The following POMGNT2 variants were observed in gnomAD, a reference collection of about 807,000 sequenced individuals.
POMGNT2 encodes the protein protein O-linked mannose N-acetylglucosaminyltransferase 2 (beta 1,4-).
Under a neutral mutation model 37.8 loss-of-function variants are expected in POMGNT2, and 32 were observed. The observed-to-expected ratio is 0.85, with a 90% CI of 0.64 to 1.14. The LOEUF (loss-of-function observed/expected upper bound fraction) is 1.14. Ranked by LOEUF, POMGNT2 falls within the 50% of genes most tolerant of loss-of-function variation. The pLI is 0.00. For synonymous variants in POMGNT2, 340 were observed against 336.8 expected, an observed-to-expected ratio of 1.01 and a Z score of -0.10; for missense variants, 705 against 780.6, an observed-to-expected ratio of 0.90 and a Z score of 1.15.
chr3:43,100,600 C>T (rs1403524736), intron 1 of POMGNT2, among the ~76,000 whole-genome samples: 1 of 152,154 alleles, frequency 6.6e-6, no homozygotes, highest in African/African-American at 2.4e-5. Flanking sequence ...TCTCTCACAC[C>T]ACAAAAATTA....
rs748310184 is a variant in POMGNT2, at chr3:43,080,423, T to C, written c.1009A>G (p.Asn337Asp). The change falls in exon 2 of 2, where the codon AAT becomes GAT. Residue 337 changes from asparagine to aspartate, a missense_variant. Transcript: ENST00000344697. ...TGCATGCTGACCAGCATGGAGGCATTGCTGACCAGCCGCACGACATCAGCA... is the reference window on the plus strand; with the variant it reads ...TGCATGCTGACCAGCATGGAGGCATCGCTGACCAGCCGCACGACATCAGCA... ...TFADVVRLVS[N>D]ASMLVSMHGA... The C allele has an allele frequency of 1.4e-5, 23 of 1,614,034 alleles. No homozygotes were observed. The highest frequency in any genetic ancestry group is 1.9e-5 in the Non-Finnish European group (23 of 1,180,034).
chr3:43,103,299 A>G (rs2090032868), intron 1 of POMGNT2, among the ~76,000 whole-genome samples: 1 of 152,114 alleles, frequency 6.6e-6, no homozygotes, highest in African/African-American at 2.4e-5. Context: ...TCCACAGCTC[A>G]AGGGCTGCTC....
In POMGNT2 at chr3:43,080,282, G is replaced by C. The variant is rs1559414056; in HGVS notation, c.1150C>G (p.Pro384Ala). 6.2e-7 allele frequency: 1 copy of C among 1,614,120 alleles called. No homozygotes were observed. Among genetic ancestry groups the C allele is most frequent in the Non-Finnish European group, 8.5e-7 (1 of 1,179,956 alleles). Residue 384 changes from proline to alanine, a missense_variant, in exon 2 of 2, where the codon CCT becomes GCT. Transcript: ENST00000344697. ...GCTACATACTGGAGGTCCATGCCAGGCAGCATGGCCAGCGTCTTATAGGGA... is the reference window on the plus strand; with the variant it reads ...GCTACATACTGGAGGTCCATGCCAGCCAGCATGGCCAGCGTCTTATAGGGA... ...YTPYKTLAML[P>A]GMDLQYVAWR...
intron 1 of POMGNT2, among the ~76,000 whole-genome samples, chr3:43,091,760 G>A (rs2089945171): frequency 6.6e-6 from 1 of 152,230 alleles, no homozygotes; most frequent in Admixed American, 6.5e-5. Flanking sequence ...CCCTTTATAT[G>A]ATGCACTGAG....
chr3:43,084,688 G>A (rs1266729037), intron 1 of POMGNT2, among the ~76,000 whole-genome samples: 4 of 151,448 alleles, frequency 2.6e-5, no homozygotes, highest in African/African-American at 9.7e-5. Flanking sequence ...ACAGATCTCT[G>A]AAGCTCTGTT....
Position 43,081,333 on chromosome 3 carries a change from C to T in POMGNT2, c.99G>A (p.Glu33=), listed in dbSNP as rs2089854009. ...VRLREHAATL[E]EELALSRQAT... ...CCTGTCGGCTGAGGGCCAGCTCCTCCTCCAGTGTGGCTGCATGCTCACGCA... is the reference window on the plus strand; with the variant it reads ...CCTGTCGGCTGAGGGCCAGCTCCTCTTCCAGTGTGGCTGCATGCTCACGCA... Residue 33 remains glutamate (E), a synonymous_variant, in exon 2 of 2, where the codon GAG becomes GAA. Coordinates refer to ENST00000344697, the MANE Select transcript of POMGNT2 (RefSeq NM_032806.6). The T allele has an allele frequency of 6.2e-7, 1 of 1,611,162 alleles. No homozygotes were observed. Among genetic ancestry groups the T allele is most frequent in the Admixed American group, 1.7e-5 (1 of 60,000 alleles).
chr3:43,083,527 C>G (rs77206337), intron 1 of POMGNT2, among the ~76,000 whole-genome samples: 1,593 of 152,278 alleles, frequency 0.01, 24 homozygotes, highest in African/African-American at 0.037. Context: ...TTTGATTTAT[C>G]AGTAGTGTTT....
intron 1 of POMGNT2, among the ~76,000 whole-genome samples, chr3:43,103,283 C>G (rs2090032714): frequency 6.6e-6 from 1 of 152,136 alleles, no homozygotes; most frequent in Non-Finnish European, 1.5e-5. Context: ...TCCTTCTCCT[C>G]CCTTATCCAC....
chr3:43,082,278 G>A (rs1178868030), intron 1 of POMGNT2, among the ~76,000 whole-genome samples: 1 of 152,192 alleles, frequency 6.6e-6, no homozygotes, highest in African/African-American at 2.4e-5. Flanking sequence ...TGCACACCAA[G>A]ACCCCAGTAT....
chr3:43,081,588 C>G, intron 1 of POMGNT2, 52 bp from the exon 2 acceptor site: 1 of 679,266 alleles, frequency 1.5e-6, no homozygotes, highest in East Asian at 2.7e-5. Context: ...TTCCTGGCAT[C>G]ATTACAAGCT....
chr3:43,100,477 G>A (rs1488325028), intron 1 of POMGNT2, among the ~76,000 whole-genome samples: 1 of 152,032 alleles, frequency 6.6e-6, no homozygotes, highest in Non-Finnish European at 1.5e-5. Flanking sequence ...CCCTGAGGAG[G>A]GCAACTGTAT....
intron 1 of POMGNT2, among the ~76,000 whole-genome samples, chr3:43,090,090 A>G (rs2089930060): frequency 6.6e-6 from 1 of 152,112 alleles, no homozygotes; most frequent in Non-Finnish European, 1.5e-5. Flanking sequence ...CAGCTGAGAA[A>G]TCTAATTAAA....
At chr3:43,090,516 T>C (rs1486836818) in intron 1 of POMGNT2, 2 of 152,100 alleles carry the variant, frequency 1.3e-5, no homozygotes, top group African/African-American at 4.8e-5. Context: ...TGGACAGTTC[T>C]TCTCAAGAGA....
chr3:43,101,137 A>G (rs1314753693), intron 1 of POMGNT2, among the ~76,000 whole-genome samples: 1 of 152,178 alleles, frequency 6.6e-6, no homozygotes, highest in East Asian at 1.9e-4. Flanking sequence ...ACACACATGC[A>G]TGATGGTGAC....
chr3:43,083,672 T>G (rs537966056), intron 1 of POMGNT2, among the ~76,000 whole-genome samples: 1 of 152,250 alleles, frequency 6.6e-6, no homozygotes, highest in African/African-American at 2.4e-5. Context: ...CCACCTAGGT[T>G]CCTTTATAAT....
chr3:43,091,110 A>G (rs1010510740), intron 1 of POMGNT2, among the ~76,000 whole-genome samples: 3 of 152,238 alleles, frequency 2.0e-5, no homozygotes, highest in Non-Finnish European at 4.4e-5. Context: ...ACAGTGCAGT[A>G]GCAATCAGTA....
In POMGNT2 at chr3:43,080,208, G is replaced by A. The variant is rs746377846; in HGVS notation, c.1224C>T (p.Pro408=). The part of the protein sequence containing the change: ...PENTVTHPER[P]WDQGGITHLD... ...GATGGGTGATGCCCCCCTGATCCCA[G>A]GGCCGCTCAGGGTGTGTGACTGTGT... The change falls in exon 2 of 2, where the codon CCC becomes CCT. Residue 408 remains proline, a synonymous_variant. Coordinates refer to ENST00000344697, the MANE Select transcript of POMGNT2 (RefSeq NM_032806.6). 6.2e-7 allele frequency: 1 copy of A among 1,614,136 alleles called. No homozygotes were observed. The highest frequency in any genetic ancestry group is 2.2e-5 in the East Asian group (1 of 44,874).
chr3:43,088,574 TC>T (rs1438354514), intron 1 of POMGNT2, among the ~76,000 whole-genome samples: 9 of 152,186 alleles, frequency 5.9e-5, no homozygotes, highest in African/African-American at 2.2e-4. Flanking sequence ...AGGTGGACTG[TC>T]AGCAGAGCCT....
rs142961699 is a variant in POMGNT2, at chr3:43,100,627, T to C, written c.-106+5209A>G. Among the ~76,000 whole-genome samples the C allele has an allele frequency of 9.5e-3, 1,443 of 152,304 alleles. 31 individuals carry two copies. Among genetic ancestry groups the C allele is most frequent in the African/African-American group, 0.033 (1,358 of 41,558 alleles). ...CAAAAATTAACGAAATGAATATTGA[T>C]ACTATAATGACAATGATATTATTAT... On this transcript the variant is annotated intron_variant, in intron 1 of 1. Coordinates refer to ENST00000344697, the MANE Select transcript of POMGNT2 (RefSeq NM_032806.6).
Sources: gnomAD v4.1 joint callset for allele counts (sites outside exome capture counted in the v4.1 genomes callset) on GRCh38, gnomAD v4.1.1 for gene constraint, MANE v1.5 for transcripts, NCBI Gene and HGNC (gene_info 2026-07-23, HGNC 2026-07-21) for gene names.